The following SOX6 variants were observed in gnomAD, a reference collection of about 807,000 sequenced individuals.
SOX6 encodes SRY-box transcription factor 6, also known as transcription factor SOX-6.
A neutral mutation model predicts 97.8 loss-of-function variants in SOX6; 11 were observed. The observed-to-expected ratio is 0.11, with a 90% CI of 0.07 to 0.19. The LOEUF (loss-of-function observed/expected upper bound fraction) is 0.19. Among genes scored for constraint, SOX6 ranks in the 10% least tolerant of loss-of-function variants. The pLI, the probability that SOX6 is intolerant of heterozygous loss-of-function variation, is 1.00. For synonymous variants in SOX6, 360 were observed against 371.4 expected, an observed-to-expected ratio of 0.97 and a Z score of 0.35; for missense variants, 810 against 1,039.5, an observed-to-expected ratio of 0.78 and a Z score of 3.04.
chr11:16,601,845 A>G (rs1430877194), intron 4 of SOX6, among the ~76,000 whole-genome samples: 2 of 152,180 alleles, frequency 1.3e-5, no homozygotes, highest in Admixed American at 1.3e-4. Context: ...CATTTTTTAC[A>G]GTAATATTGT....
chr11:16,528,961 T>C (rs34168776), intron 4 of SOX6, among the ~76,000 whole-genome samples: 22,643 of 152,018 alleles, frequency 0.15, 1,768 homozygotes, highest in Non-Finnish European at 0.16. Flanking sequence ...TCCTACCTTA[T>C]GGGCATTGAG....
intron 4 of SOX6, among the ~76,000 whole-genome samples, chr11:16,538,483 C>A (rs997743878): frequency 6.6e-6 from 1 of 152,090 alleles, no homozygotes; most frequent in Non-Finnish European, 1.5e-5. Flanking sequence ...CAATATTAAC[C>A]TTAAATGTAA....
intron 3 of SOX6, among the ~76,000 whole-genome samples, chr11:16,638,766 G>T (rs1263866436): frequency 2.6e-5 from 4 of 152,046 alleles, no homozygotes; most frequent in Non-Finnish European, 4.4e-5. Context: ...TGATGAGGTT[G>T]TTTGTTTTTT....
chr11:16,088,285 T>C (rs958269528), intron 9 of SOX6, among the ~76,000 whole-genome samples: 6 of 152,168 alleles, frequency 3.9e-5, no homozygotes, highest in African/African-American at 1.2e-4. Flanking sequence ...TGAGCCTACA[T>C]TGACACATCA....
At chr11:16,243,415 A>C (rs1227716360) in intron 3 of SOX6, among the ~76,000 whole-genome samples, 1 of 151,904 alleles carries the variant, frequency 6.6e-6, no homozygotes, top group African/African-American at 2.4e-5. Context: ...CTTAACCCAG[A>C]GCTCTGCACA....
intron 6 of SOX6, among the ~76,000 whole-genome samples, chr11:16,180,863 A>T (rs1851328765): frequency 6.6e-6 from 1 of 151,856 alleles, no homozygotes; most frequent in African/African-American, 2.4e-5. Context: ...AACTGCACAT[A>T]TAAGTTCTGA....
intron 6 of SOX6, among the ~76,000 whole-genome samples, chr11:16,131,305 A>T (rs1849733960): frequency 6.6e-6 from 1 of 152,034 alleles, no homozygotes. Context: ...TTGAATAGAC[A>T]ATTCACAAAA....
rs1565118929 is a variant in SOX6 at position 16,373,859 on chromosome 11, GGAAGGAAGGAAGGAAGGA to G, written c.-4-32625_-4-32608del. 5.6e-4 allele frequency among the ~76,000 whole-genome samples: 42 copies of G among 75,010 alleles called. 1 individual carries two copies. Among genetic ancestry groups the G allele is most frequent in the Non-Finnish European group, 1.2e-3 (39 of 33,168 alleles). The allele number at this position is 75,010 out of a possible 152,430, so 49.2% of individuals were successfully genotyped here. On this transcript the variant is annotated intron_variant, in intron 1 of 15. Coordinates refer to the SOX6 transcript ENST00000396356. Reference sequence around the variant, plus strand: ...AGGAAGGAAGGAAGGAAGGAAGGAAGGAAGGAAGGAAGGAAGGAAGGAAGGAAGGGAGGGAGGGAGGAA... The same window carrying G: ...AGGAAGGAAGGAAGGAAGGAAGGAAGAGGAAGGAAGGGAGGGAGGGAGGAA...
chr11:16,338,791 A>G (rs774550326), intron 2 of SOX6, among the ~76,000 whole-genome samples: 94 of 152,018 alleles, frequency 6.2e-4, no homozygotes, highest in Non-Finnish European at 1.2e-3. Flanking sequence ...ATTTTATACT[A>G]TCATAAACCA....
intron 4 of SOX6, among the ~76,000 whole-genome samples, chr11:16,190,069 C>G (rs568025886): frequency 3.9e-5 from 6 of 152,222 alleles, no homozygotes; most frequent in African/African-American, 1.4e-4. Context: ...CTTCTGTTCA[C>G]AGTGAAGCCA....
At chr11:16,429,561 C>A (rs997630641) in intron 1 of SOX6, among the ~76,000 whole-genome samples, 2 of 152,216 alleles carry the variant, frequency 1.3e-5, no homozygotes, top group African/African-American at 4.8e-5. Context: ...TTATCCTTAG[C>A]AAACTAAAGC....
At chr11:16,183,021 C>A (rs1851383120) in intron 6 of SOX6, among the ~76,000 whole-genome samples, 2 of 151,762 alleles carry the variant, frequency 1.3e-5, no homozygotes, top group Admixed American at 1.3e-4. Flanking sequence ...CTCCAATAAT[C>A]AAGGGAAACA....
chr11:16,683,449 A>T (rs1036546262), intron 3 of SOX6, among the ~76,000 whole-genome samples: 12 of 152,222 alleles, frequency 7.9e-5, no homozygotes, highest in Non-Finnish European at 4.4e-5. Flanking sequence ...CAACCATCTG[A>T]TCTTTGACAA....
intron 3 of SOX6, among the ~76,000 whole-genome samples, chr11:16,263,908 C>G (rs1853984236): frequency 6.6e-6 from 1 of 151,790 alleles, no homozygotes; most frequent in Non-Finnish European, 1.5e-5. Flanking sequence ...ATTTTTAGTA[C>G]TTTTATTCTT....
At chr11:16,088,536 C>T (rs1397133382) in intron 9 of SOX6, among the ~76,000 whole-genome samples, 3 of 152,108 alleles carry the variant, frequency 2.0e-5, no homozygotes, top group African/African-American at 7.2e-5. Context: ...TCCAGAATGT[C>T]ACATAGTTGG....
intron 4 of SOX6, among the ~76,000 whole-genome samples, chr11:16,487,560 C>T (rs1860456743): frequency 6.6e-6 from 1 of 152,160 alleles, no homozygotes; most frequent in African/African-American, 2.4e-5. Flanking sequence ...AATGGAGTAA[C>T]AGTAGAGTGG....
intron 6 of SOX6, among the ~76,000 whole-genome samples, chr11:16,175,362 T>C (rs1171699033): frequency 6.7e-6 from 1 of 149,192 alleles, no homozygotes. Context: ...TAAGGTATTG[T>C]AATTATCTTT....
intron 4 of SOX6, among the ~76,000 whole-genome samples, chr11:16,585,638 G>A (rs1166552907): frequency 2.6e-5 from 4 of 151,822 alleles, no homozygotes; most frequent in Middle Eastern, 3.4e-3. Flanking sequence ...TTAATGGGGC[G>A]GGGGAGTCAA....
intron 2 of SOX6, among the ~76,000 whole-genome samples, chr11:16,330,793 G>A (rs555479871): frequency 6.6e-6 from 1 of 152,200 alleles, no homozygotes; most frequent in South Asian, 2.1e-4. Flanking sequence ...TCCTTTTTGA[G>A]CTGAGGAAAT....
Sources: allele counts gnomAD v4.1 joint callset (sites outside exome capture counted in the v4.1 genomes callset), GRCh38; gene constraint gnomAD v4.1.1; transcripts MANE v1.5; gene names NCBI Gene and HGNC (gene_info 2026-07-23, HGNC 2026-07-21).